The following C8B variants were observed in gnomAD, a reference collection of about 807,000 sequenced individuals.
C8B encodes complement C8 beta chain.
Under a neutral mutation model 64.6 loss-of-function variants are expected in C8B, and 67 were observed. That is an observed-to-expected ratio of 1.04 (90% CI 0.85 to 1.27). The LOEUF is 1.27. Among genes scored for constraint, C8B ranks in the 50% most tolerant of loss-of-function variants. The pLI is 0.00. For synonymous variants in C8B, 284 were observed against 257.7 expected (o/e 1.10, Z -0.98); for missense variants, 790 against 725.2 (o/e 1.09, Z -1.03).
intron 9 of C8B, among the ~76,000 whole-genome samples, chr1:56,938,409 A>C (rs1044938954): frequency 2.0e-5 from 3 of 152,220 alleles, no homozygotes; most frequent in African/African-American, 7.2e-5. Context: ...TAGTGTCTAA[A>C]CACCTCAGCT....
intron 8 of C8B, among the ~76,000 whole-genome samples, chr1:56,941,532 AG>A (rs1644859961): frequency 7.5e-6 from 1 of 133,130 alleles, no homozygotes; most frequent in African/African-American, 2.7e-5. Flanking sequence ...ATAGATAGAT[AG>A]ATAGATAGAT....
chr1:56,934,927 G>C (rs1644754940), intron 9 of C8B, among the ~76,000 whole-genome samples: 1 of 152,156 alleles, frequency 6.6e-6, no homozygotes, highest in African/African-American at 2.4e-5. Context: ...ACCAGCACTG[G>C]GGTTTGCTGC....
chr1:56,961,705 C>T (rs1645183144), intron 1 of C8B, among the ~76,000 whole-genome samples: 1 of 152,104 alleles, frequency 6.6e-6, no homozygotes, highest in South Asian at 2.1e-4. Flanking sequence ...TCACTCCCGA[C>T]AAGGTCATTA....
chr1:56,943,919 G>A lies in C8B; in HGVS notation c.1106-95C>T, dbSNP rs973857610. 16 of 1,432,454 alleles carry A rather than the reference G, an allele frequency of 1.1e-5. No individual in the cohort carries two copies. In the African/African-American group the frequency reaches 1.5e-4, roughly 14 times the overall value. The allele number at this position is 1,432,454 out of a possible 1,614,324, so 88.7% of individuals were successfully genotyped here. A position where few individuals can be genotyped will look rare whatever the true frequency, so the allele number is the denominator to read the frequency against. ...GTCCAGAGGCCTAGCCCTGTTGAAT[G>A]TCACAAGGACTCGGGTTCAAATAAA... On this transcript the variant is annotated intron_variant, in intron 7 of 11. Coordinates refer to ENST00000371237, the MANE Select transcript of C8B (RefSeq NM_000066.4).
rs181862558 is a variant in C8B at position 56,961,208 on chromosome 1, A to T, written c.93-1032T>A. 1.2e-3 allele frequency among the ~76,000 whole-genome samples: 189 copies of T among 152,154 alleles called. 5 individuals carry two copies. In the South Asian group the frequency reaches 0.035, roughly 28 times the overall value. On this transcript the variant is annotated intron_variant, in intron 1 of 11. Transcript: ENST00000371237. ...ATGATGATTCTTATTTTTTTCTTACAATTGAAAGGGTGTATTACACTGTAA... is the reference window on the plus strand; with the variant it reads ...ATGATGATTCTTATTTTTTTCTTACTATTGAAAGGGTGTATTACACTGTAA...
intron 11 of C8B, among the ~76,000 whole-genome samples, chr1:56,930,291 GGATTTTT>G (rs1255637887): frequency 6.6e-6 from 1 of 152,170 alleles, no homozygotes; most frequent in African/African-American, 2.4e-5. Flanking sequence ...TTTCACTTGA[GGATTTTT>G]GATTGTTGGT....
intron 1 of C8B, among the ~76,000 whole-genome samples, chr1:56,963,550 C>T (rs1645208401): frequency 7.2e-6 from 1 of 139,174 alleles, no homozygotes; most frequent in South Asian, 2.3e-4. Context: ...AGCACAGAGG[C>T]CAACAAGTCA....
intron 3 of C8B, among the ~76,000 whole-genome samples, chr1:56,955,916 T>A (rs1024976675): frequency 1.3e-5 from 2 of 152,198 alleles, no homozygotes; most frequent in African/African-American, 4.8e-5. Context: ...GAGAACCATC[T>A]GTTTGCTTGG....
intron 4 of C8B, among the ~76,000 whole-genome samples, chr1:56,954,430 G>C (rs1479719043): frequency 6.6e-6 from 1 of 152,194 alleles, no homozygotes; most frequent in African/African-American, 2.4e-5. Flanking sequence ...AGCCTGTGTG[G>C]TTTCCACACA....
In C8B at chr1:56,935,442, C is replaced by G. The variant is rs185116398; in HGVS notation, c.1399-1954G>C. ...CCACTTCTCCCCCAAATACACAGTT[C>G]TAACCACTGACATTGATCATTGGAT... is the stretch of plus-strand genomic sequence containing the variant. On this transcript the variant is annotated intron_variant, in intron 9 of 11. Coordinates refer to ENST00000371237, the MANE Select transcript of C8B (RefSeq NM_000066.4). Among the ~76,000 whole-genome samples the G allele has an allele frequency of 2.1e-3, 324 of 152,248 alleles. 16 individuals are homozygous for G. In the South Asian group the frequency reaches 0.062, roughly 29 times the overall value.
intron 6 of C8B, among the ~76,000 whole-genome samples, chr1:56,947,337 T>A (rs905331098): frequency 8.5e-5 from 13 of 152,200 alleles, no homozygotes; most frequent in African/African-American, 2.7e-4. Flanking sequence ...CTCCACACTT[T>A]ACTACTTTCT....
chr1:56,963,952 A>G (rs901757985), intron 1 of C8B: 5 of 985,260 alleles, frequency 5.1e-6, no homozygotes, highest in Non-Finnish European at 6.0e-6. Flanking sequence ...TCTGTTCCAG[A>G]ACCAAAGACT....
chr1:56,961,679 T>C (rs903961485), intron 1 of C8B, among the ~76,000 whole-genome samples: 2 of 152,152 alleles, frequency 1.3e-5, no homozygotes, highest in African/African-American at 4.8e-5. Context: ...TTTCACCATC[T>C]CATATACACA....
At chr1:56,954,195 A>T (rs1185578313) in intron 4 of C8B, among the ~76,000 whole-genome samples, 2 of 152,006 alleles carry the variant, frequency 1.3e-5, no homozygotes, top group Non-Finnish European at 2.9e-5. Context: ...GACAGGACCA[A>T]CTCAGAGATC....
At chr1:56,957,779 A>G (rs1645123432) in intron 2 of C8B, among the ~76,000 whole-genome samples, 1 of 152,150 alleles carries the variant, frequency 6.6e-6, no homozygotes, top group African/African-American at 2.4e-5. Flanking sequence ...GTTGGGCCCC[A>G]GGCAGTTGCA....
chr1:56,941,509 CATAGAT>C (rs1644856894), intron 8 of C8B, among the ~76,000 whole-genome samples: 2 of 86,722 alleles, frequency 2.3e-5, no homozygotes, highest in Non-Finnish European at 5.4e-5. Context: ...TAGATAGATA[CATAGAT>C]AGATAGATAG....
At chr1:56,956,693 A>G in intron 3 of C8B, 76 bp downstream of exon 3, 6 of 1,544,056 alleles carry the variant, frequency 3.9e-6, no homozygotes, top group African/African-American at 1.4e-5. Context: ...AGCACTGGAC[A>G]TGGCCTGTCC....
chr1:56,934,744 C>A (rs1278519754), intron 9 of C8B, among the ~76,000 whole-genome samples: 1 of 151,314 alleles, frequency 6.6e-6, no homozygotes, highest in Non-Finnish European at 1.5e-5. Flanking sequence ...ATGAATTGAT[C>A]CAGAGGCTGT....
intron 3 of C8B, among the ~76,000 whole-genome samples, 169 bp from the exon 4 acceptor site, chr1:56,954,996 T>C (rs765980499): frequency 4.6e-5 from 7 of 152,170 alleles, no homozygotes; most frequent in Non-Finnish European, 7.3e-5. Context: ...AACAGTTTAT[T>C]CCTCTATTGC....
Sources: gnomAD v4.1 joint callset for allele counts (sites outside exome capture counted in the v4.1 genomes callset) on GRCh38, gnomAD v4.1.1 for gene constraint, MANE v1.5 for transcripts, NCBI Gene and HGNC (gene_info 2026-07-23, HGNC 2026-07-21) for gene names.